ROBO2: variants seen among roughly 807,000 people sequenced by gnomAD.
ROBO2 encodes the protein roundabout homolog 2.
A neutral mutation model predicts 160.8 loss-of-function variants in ROBO2; 53 were observed. That is an observed-to-expected ratio of 0.33 (90% CI 0.26 to 0.41). The LOEUF is 0.41. Among genes scored for constraint, ROBO2 ranks in the 10% least tolerant of loss-of-function variants. The probability of loss-of-function intolerance (pLI) is 1.00; values close to 1 mark genes in which losing one functional copy is unlikely to be tolerated. For missense variants in ROBO2, 1,577 were observed against 1,722.4 expected, an observed-to-expected ratio of 0.92 and a Z score of 1.49; for synonymous variants, 664 against 611.7, an observed-to-expected ratio of 1.09 and a Z score of -1.26.
intron 2 of ROBO2, among the ~76,000 whole-genome samples, chr3:77,016,596 T>G (rs2062275977): frequency 6.6e-6 from 1 of 152,194 alleles, no homozygotes; most frequent in Non-Finnish European, 1.5e-5. Context: ...TTTGAACTCT[T>G]TAATCTACAA....
At chr3:75,990,035 C>T (rs1424714060) in intron 2 of ROBO2, among the ~76,000 whole-genome samples, 1 of 152,032 alleles carries the variant, frequency 6.6e-6, no homozygotes. Flanking sequence ...TAAACTGTAA[C>T]TTTTCTAAAA....
intron 2 of ROBO2, among the ~76,000 whole-genome samples, chr3:77,186,180 TA>T (rs911808882): frequency 6.6e-6 from 1 of 151,162 alleles, no homozygotes; most frequent in African/African-American, 2.5e-5. Flanking sequence ...CCTATGGAAA[TA>T]AGTTTTTTTT....
At chr3:76,808,444 C>T (rs1284116846) in intron 2 of ROBO2, among the ~76,000 whole-genome samples, 2 of 152,026 alleles carry the variant, frequency 1.3e-5, no homozygotes, top group African/African-American at 2.4e-5. Context: ...GTGTTAGGAA[C>T]ACATTAGTGA....
At chr3:76,447,892 T>G (rs1407299270) in intron 2 of ROBO2, among the ~76,000 whole-genome samples, 1 of 61,456 alleles carries the variant, frequency 1.6e-5, no homozygotes, top group Non-Finnish European at 2.9e-5. Context: ...GGGCCTGTTG[T>G]GGGGTGGGGG....
At chr3:77,390,413 A>G (rs6548506) in intron 2 of ROBO2, among the ~76,000 whole-genome samples, 49,186 of 151,962 alleles carry the variant, frequency 0.32, 8,231 homozygotes, top group East Asian at 0.47. Flanking sequence ...GCAGAAGGTA[A>G]TTGAATCACG....
chr3:77,638,126 A>C (rs999228821), intron 24 of ROBO2, among the ~76,000 whole-genome samples: 1 of 152,202 alleles, frequency 6.6e-6, no homozygotes, highest in African/African-American at 2.4e-5. Flanking sequence ...GGTTATCCTT[A>C]AGAACATTGT....
At chr3:77,176,677 A>G (rs1238778792) in intron 2 of ROBO2, among the ~76,000 whole-genome samples, 1 of 152,026 alleles carries the variant, frequency 6.6e-6, no homozygotes, top group African/African-American at 2.4e-5. Flanking sequence ...AACTTAAAAA[A>G]CAAAAATATT....
At chr3:77,463,044 T>C (rs575679704) in intron 2 of ROBO2, among the ~76,000 whole-genome samples, 1 of 152,294 alleles carries the variant, frequency 6.6e-6, no homozygotes, top group East Asian at 1.9e-4. Flanking sequence ...TTGAGTTAGG[T>C]ATGGTAACTT....
intron 8 of ROBO2, among the ~76,000 whole-genome samples, chr3:77,555,626 C>CA (rs2093088023): frequency 1.3e-5 from 2 of 151,926 alleles, no homozygotes; most frequent in Non-Finnish European, 2.9e-5. Flanking sequence ...TTGTAATCAG[C>CA]ATTCTGTGAA....
At chr3:76,077,827 G>T (rs2108005758) in intron 2 of ROBO2, among the ~76,000 whole-genome samples, 1 of 152,250 alleles carries the variant, frequency 6.6e-6, no homozygotes, top group South Asian at 2.1e-4. Flanking sequence ...AATCAGCAAA[G>T]TGAGTTGGAA....
chr3:76,294,853 A>T (rs1385833816), intron 2 of ROBO2, among the ~76,000 whole-genome samples: 1 of 152,204 alleles, frequency 6.6e-6, no homozygotes, highest in Non-Finnish European at 1.5e-5. Context: ...ATGAGGGATA[A>T]CATAGAAGTG....
chr3:76,727,790 G>A (rs185727258), intron 2 of ROBO2, among the ~76,000 whole-genome samples: 2 of 152,180 alleles, frequency 1.3e-5, no homozygotes, highest in Admixed American at 1.3e-4. Context: ...TGGTTAATGG[G>A]CACAAATCTA....
chr3:77,326,338 G>T (rs2065389831), intron 2 of ROBO2, among the ~76,000 whole-genome samples: 1 of 152,184 alleles, frequency 6.6e-6, no homozygotes, highest in Non-Finnish European at 1.5e-5. Context: ...CACAAAATAT[G>T]CAAGAAATAC....
At chr3:76,140,833 A>G (rs1423890517) in intron 2 of ROBO2, among the ~76,000 whole-genome samples, 1 of 150,912 alleles carries the variant, frequency 6.6e-6, no homozygotes, top group East Asian at 2.0e-4. Flanking sequence ...TCAGTGAATT[A>G]ATATTTTTAT....
chr3:77,469,514 G>A (rs1310922980), intron 2 of ROBO2, among the ~76,000 whole-genome samples: 1 of 152,184 alleles, frequency 6.6e-6, no homozygotes, highest in Non-Finnish European at 1.5e-5. Context: ...GGAATAATCT[G>A]TGGTAGTTTT....
chr3:76,872,534 T>C (rs952772687), intron 2 of ROBO2, among the ~76,000 whole-genome samples: 1 of 151,984 alleles, frequency 6.6e-6, no homozygotes, highest in Admixed American at 6.6e-5. Context: ...TAAATTCTTA[T>C]ATTTTCAAAT....
chr3:76,933,252 ATTGT>A (rs925892807), intron 2 of ROBO2, among the ~76,000 whole-genome samples: 5 of 152,298 alleles, frequency 3.3e-5, no homozygotes, highest in South Asian at 2.1e-4. Flanking sequence ...CACTGAACTC[ATTGT>A]TTGTAATTTA....
At chr3:76,532,117 C>A (rs555656370) in intron 2 of ROBO2, among the ~76,000 whole-genome samples, 1 of 152,282 alleles carries the variant, frequency 6.6e-6, no homozygotes, top group Non-Finnish European at 1.5e-5. Flanking sequence ...CAAGAGTGTC[C>A]TATTCCACAA....
intron 2 of ROBO2, among the ~76,000 whole-genome samples, chr3:76,984,221 A>C (rs969765221): frequency 6.6e-6 from 1 of 152,100 alleles, no homozygotes; most frequent in Non-Finnish European, 1.5e-5. Flanking sequence ...CAGCCGAACC[A>C]TATCAGCTGG....
Sources: gnomAD v4.1 joint callset for allele counts (sites outside exome capture counted in the v4.1 genomes callset) on GRCh38, gnomAD v4.1.1 for gene constraint, MANE v1.5 for transcripts, NCBI Gene and HGNC (gene_info 2026-07-23, HGNC 2026-07-21) for gene names.